The following SLC2A13 variants were observed in gnomAD, a reference collection of about 807,000 sequenced individuals.
The protein encoded by SLC2A13 is solute carrier family 2 member 13, also known as proton myo-inositol cotransporter.
A neutral mutation model predicts 64.4 loss-of-function variants in SLC2A13; 32 were observed. The ratio of observed to expected loss-of-function variants is 0.50; its 90% CI spans 0.37 to 0.67. The LOEUF (loss-of-function observed/expected upper bound fraction) is 0.67. Among genes scored for constraint, SLC2A13 ranks in the 30% least tolerant of loss-of-function variants. The pLI is 0.00. For synonymous variants in SLC2A13, 338 were observed against 327.1 expected (o/e 1.03, Z -0.36); for missense variants, 743 against 829.2 (o/e 0.90, Z 1.28).
At chr12:40,058,766 A>G (rs1948373026) in intron 1 of SLC2A13, among the ~76,000 whole-genome samples, 1 of 152,188 alleles carries the variant, frequency 6.6e-6, no homozygotes, top group East Asian at 1.9e-4. Context: ...ATAGCTACCT[A>G]ACATTTACGA....
At chr12:40,041,016 T>C (rs1948077166) in intron 2 of SLC2A13, among the ~76,000 whole-genome samples, 1 of 152,042 alleles carries the variant, frequency 6.6e-6, no homozygotes, top group Non-Finnish European at 1.5e-5. Context: ...TGCAGTGGCA[T>C]GATCTTGGCT....
intron 6 of SLC2A13, among the ~76,000 whole-genome samples, chr12:39,831,092 A>ATGGCAAGCACTTTACATG (rs1269060117): frequency 1.3e-5 from 2 of 152,190 alleles, no homozygotes; most frequent in East Asian, 3.9e-4. Flanking sequence ...CACTTTACAG[A>ATGGCAAGCACTTTACATG]TGGCAAGCAC....
intron 4 of SLC2A13, among the ~76,000 whole-genome samples, chr12:39,913,336 A>G (rs1945461544): frequency 6.6e-6 from 1 of 152,124 alleles, no homozygotes; most frequent in Non-Finnish European, 1.5e-5. Context: ...CAAAAAGTTT[A>G]AAATCTGAGT....
intron 1 of SLC2A13, among the ~76,000 whole-genome samples, chr12:40,090,613 C>A (rs1333143834): frequency 1.3e-5 from 2 of 152,188 alleles, no homozygotes; most frequent in East Asian, 3.9e-4. Flanking sequence ...AAATGCATGT[C>A]ATATTTAGAA....
At chr12:40,063,315 CTTTCACAAGGAG>C (rs1181082626) in intron 1 of SLC2A13, among the ~76,000 whole-genome samples, 3 of 152,142 alleles carry the variant, frequency 2.0e-5, no homozygotes, top group Admixed American at 6.6e-5. Context: ...GGACTACTTT[CTTTCACAAGGAG>C]TGAAAGAAAC....
At chr12:40,025,903 T>C (rs962265252) in intron 3 of SLC2A13, among the ~76,000 whole-genome samples, 3 of 152,234 alleles carry the variant, frequency 2.0e-5, no homozygotes, top group African/African-American at 7.2e-5. Context: ...TGAAGCATGA[T>C]GGAGGGACAA....
At chr12:39,965,102 G>GA (rs1946484589) in intron 3 of SLC2A13, among the ~76,000 whole-genome samples, 2 of 152,042 alleles carry the variant, frequency 1.3e-5, no homozygotes, top group South Asian at 4.1e-4. Flanking sequence ...TTAAATAACA[G>GA]AAAAGATGTC....
At chr12:39,965,529 C>T (rs1946494523) in intron 3 of SLC2A13, among the ~76,000 whole-genome samples, 1 of 152,118 alleles carries the variant, frequency 6.6e-6, no homozygotes, top group African/African-American at 2.4e-5. Context: ...ATAAAGTAAT[C>T]CAATTTACGT....
intron 4 of SLC2A13, 110 bp downstream of exon 4, chr12:39,951,147 A>G: frequency 1.2e-6 from 1 of 868,822 alleles, no homozygotes; most frequent in African/African-American, 1.7e-5. Flanking sequence ...TCATACATTT[A>G]ATCAGAACAA....
chr12:39,898,154 A>C (rs1173078721), intron 4 of SLC2A13, among the ~76,000 whole-genome samples: 1 of 152,148 alleles, frequency 6.6e-6, no homozygotes, highest in Admixed American at 6.6e-5. Context: ...TTCCATTTGT[A>C]GAAGTATTCC....
At chr12:39,830,930 C>G (rs992556401) in intron 6 of SLC2A13, among the ~76,000 whole-genome samples, 2 of 152,156 alleles carry the variant, frequency 1.3e-5, no homozygotes, top group African/African-American at 4.8e-5. Context: ...ATCAGTTACT[C>G]ATTGCTCATT....
intron 4 of SLC2A13, among the ~76,000 whole-genome samples, chr12:39,894,007 G>C (rs759287061): frequency 1.3e-5 from 2 of 152,134 alleles, no homozygotes; most frequent in African/African-American, 2.4e-5. Flanking sequence ...CAAAAAGCTA[G>C]ACAATATACC....
chr12:39,865,998 G>A (rs760784141), intron 5 of SLC2A13, among the ~76,000 whole-genome samples: 46 of 152,144 alleles, frequency 3.0e-4, no homozygotes, highest in Non-Finnish European at 5.3e-4. Flanking sequence ...CTTATATAAC[G>A]AGCCTGCACA....
intron 4 of SLC2A13, among the ~76,000 whole-genome samples, chr12:39,883,011 G>T (rs1944382053): frequency 6.6e-6 from 1 of 152,074 alleles, no homozygotes; most frequent in Non-Finnish European, 1.5e-5. Context: ...TTATTTACAT[G>T]AATGAATGGG....
chr12:39,899,560 C>T (rs1471354274), intron 4 of SLC2A13, among the ~76,000 whole-genome samples: 5 of 151,914 alleles, frequency 3.3e-5, no homozygotes, highest in East Asian at 1.9e-4. Flanking sequence ...CTAGTTCTTT[C>T]AATTGTGATG....
intron 2 of SLC2A13, among the ~76,000 whole-genome samples, chr12:40,038,924 C>T (rs1397278792): frequency 1.5e-5 from 2 of 132,510 alleles, no homozygotes; most frequent in African/African-American, 3.0e-5. Context: ...GTTGTTCTAT[C>T]GTTGTTAAAA....
chr12:39,936,346 G>A (rs1390831238), intron 4 of SLC2A13, among the ~76,000 whole-genome samples: 1 of 152,114 alleles, frequency 6.6e-6, no homozygotes, highest in Non-Finnish European at 1.5e-5. Context: ...TGGTGGTAGA[G>A]ATTGACCAGA....
At chr12:40,092,448 A>G (rs1448491746) in intron 1 of SLC2A13, among the ~76,000 whole-genome samples, 1 of 152,192 alleles carries the variant, frequency 6.6e-6, no homozygotes, top group East Asian at 1.9e-4. Flanking sequence ...AAAGGATCAG[A>G]TCAACCTCAA....
intron 1 of SLC2A13, among the ~76,000 whole-genome samples, chr12:40,082,607 T>C (rs1337286160): frequency 6.6e-6 from 1 of 152,148 alleles, no homozygotes; most frequent in Non-Finnish European, 1.5e-5. Flanking sequence ...ATATGCTCTG[T>C]CCAGGTCTGG....
Sources: allele counts gnomAD v4.1 joint callset (sites outside exome capture counted in the v4.1 genomes callset), GRCh38; gene constraint gnomAD v4.1.1; transcripts MANE v1.5; gene names NCBI Gene and HGNC (gene_info 2026-07-23, HGNC 2026-07-21).